The following DNAH3 variants were observed in gnomAD, a reference collection of about 807,000 sequenced individuals.
DNAH3 encodes dynein axonemal heavy chain 3, also known as axonemal beta dynein heavy chain 3.
Under a neutral mutation model 432.5 loss-of-function variants are expected in DNAH3, and 332 were observed. That is an observed-to-expected ratio of 0.77 (90% CI 0.70 to 0.84). The LOEUF (loss-of-function observed/expected upper bound fraction) is 0.84. DNAH3 is among the 40% of genes least tolerant of loss of function. The pLI is 0.00. For synonymous variants in DNAH3, 1,956 were observed against 1,900.2 expected (o/e 1.03, Z -0.76); for missense variants, 4,861 against 5,114.0 (o/e 0.95, Z 1.51).
rs977916932 is a variant in DNAH3 at position 21,034,218 on chromosome 16, G to C, written c.5086-133C>G. ...GTTGCTTCTACCTCTGGAGAACTTCGGTTCTTTTCATGGTCTATTGTTTAC... is the reference window on the plus strand; with the variant it reads ...GTTGCTTCTACCTCTGGAGAACTTCCGTTCTTTTCATGGTCTATTGTTTAC... On this transcript the variant is annotated intron_variant, in intron 35 of 61. Transcript: ENST00000261383. 4.2e-5 allele frequency: 25 copies of C among 598,814 alleles called. 1 individual carries two copies. In the South Asian group the frequency reaches 5.1e-4, roughly 12 times the overall value. 37.1% of individuals were successfully genotyped at this position (598,814 alleles called of 1,614,324 possible).
intron 31 of DNAH3, among the ~76,000 whole-genome samples, chr16:21,045,332 A>G (rs1182786255): frequency 1.3e-5 from 2 of 151,228 alleles, no homozygotes; most frequent in African/African-American, 4.9e-5. Context: ...TAAGCTATTG[A>G]TTATTGCCAC....
At chr16:21,122,449 T>C (rs1257724460) in intron 9 of DNAH3, among the ~76,000 whole-genome samples, 1 of 151,984 alleles carries the variant, frequency 6.6e-6, no homozygotes, top group Non-Finnish European at 1.5e-5. Flanking sequence ...CCTAGCTACT[T>C]GAGAGGCTGA....
intron 14 of DNAH3, 83 bp from the exon 15 acceptor site, chr16:21,106,757 G>T: frequency 1.7e-6 from 2 of 1,156,350 alleles, no homozygotes; most frequent in East Asian, 2.6e-5. Context: ...AAGACTCCAT[G>T]TTCAAAATAC....
chr16:21,068,755 T>C (rs2090668543), intron 23 of DNAH3, among the ~76,000 whole-genome samples: 1 of 152,222 alleles, frequency 6.6e-6, no homozygotes, highest in Non-Finnish European at 1.5e-5. Context: ...TGGGTAATTG[T>C]TGGAATTCTA....
chr16:20,934,979 C>T (rs185229076), intron 61 of DNAH3, among the ~76,000 whole-genome samples: 2 of 152,230 alleles, frequency 1.3e-5, no homozygotes, highest in Non-Finnish European at 2.9e-5. Context: ...CAGGCTGATG[C>T]TTGACTGTTG....
At chr16:21,087,843 A>G (rs932431313) in intron 18 of DNAH3, among the ~76,000 whole-genome samples, 1 of 152,176 alleles carries the variant, frequency 6.6e-6, no homozygotes, top group Non-Finnish European at 1.5e-5. Flanking sequence ...GGTTGCAGTG[A>G]GCCAGGATAG....
chr16:20,981,475 T>G (rs2085894589), intron 49 of DNAH3, among the ~76,000 whole-genome samples: 1 of 152,212 alleles, frequency 6.6e-6, no homozygotes, highest in Admixed American at 6.6e-5. Flanking sequence ...GGCTCACGCC[T>G]GTAATCCCAG....
chr16:20,942,968 GCATGATCACAGCCT>G (rs1388197053), intron 58 of DNAH3, among the ~76,000 whole-genome samples: 1 of 152,072 alleles, frequency 6.6e-6, no homozygotes, highest in Non-Finnish European at 1.5e-5. Context: ...GAGTGCAAAG[GCATGATCACAGCCT>G]CGTGATCACA....
chr16:21,130,777 G>A (rs143398938), intron 7 of DNAH3, among the ~76,000 whole-genome samples: 157 of 152,148 alleles, frequency 1.0e-3, no homozygotes, highest in African/African-American at 3.3e-3. Context: ...TCTTTGCTAC[G>A]AGATCAATTT....
At chr16:21,078,175 T>C (rs1344244943) in intron 20 of DNAH3, among the ~76,000 whole-genome samples, 3 of 148,782 alleles carry the variant, frequency 2.0e-5, no homozygotes, top group Non-Finnish European at 4.4e-5. Context: ...CTCAGGAGGC[T>C]GAGGCAGGAA....
At chr16:20,944,776 GAC>G (rs71377697) in intron 57 of DNAH3, 113 bp from the exon 58 acceptor site, 61,827 of 660,600 alleles carry the variant, frequency 0.094, no homozygotes, top group East Asian at 0.14. Context: ...AGTAGCACAG[GAC>G]ACACACACAC....
chr16:21,062,623 G>C lies in DNAH3; in HGVS notation c.3579C>G (p.Leu1193=), dbSNP rs757851148. 3.7e-6 allele frequency: 6 copies of C among 1,614,052 alleles called. No individual in the cohort carries two copies. The South Asian group carries it at 6.6e-5, about 18-fold the overall frequency. The change falls in exon 25 of 62, where the codon CTC becomes CTG. Residue 1193 remains leucine, a synonymous_variant. Coordinates refer to ENST00000261383, the Ensembl canonical transcript of DNAH3. ...ACTTCTTCAAGTGCGGCTGCACTCG[G>C]AGAGGGTCCTTTGTCTCGGACAAGA...
At chr16:21,106,699 TATCATCATC>T (rs748980226) in intron 14 of DNAH3, 25 bp from the exon 15 acceptor site, 1 of 1,447,470 alleles carries the variant, frequency 6.9e-7, no homozygotes, top group Non-Finnish European at 9.3e-7. Context: ...CAGCCATTGT[TATCATCATC>T]ATCATCACCA....
intron 41 of DNAH3, among the ~76,000 whole-genome samples, chr16:21,011,650 C>T (rs969034608): frequency 6.6e-6 from 1 of 151,916 alleles, no homozygotes; most frequent in African/African-American, 2.4e-5. Context: ...GGCGAGCCAC[C>T]GTGCCAGGCT....
At chr16:20,941,708 C>T (rs1232043843) in intron 58 of DNAH3, among the ~76,000 whole-genome samples, 165 bp from the exon 59 acceptor site, 2 of 151,830 alleles carry the variant, frequency 1.3e-5, no homozygotes, top group Non-Finnish European at 2.9e-5. Context: ...GGAAAGGAGT[C>T]CCTCATCACC....
exon 21 of DNAH3, chr16:21,075,553 G>T (rs749330410): frequency 6.2e-7 from 1 of 1,612,840 alleles, no homozygotes; most frequent in East Asian, 2.2e-5. Context: ...TGCACCAATG[G>T]GCTCCAATCT....
Position 21,139,320 on chromosome 16 carries a change from C to CTTTTTTTTTTTTTTTTTTTT in DNAH3, c.696+1196_696+1215dup, listed in dbSNP as rs9302391. Among the ~76,000 whole-genome samples, 31 of 29,630 alleles carry CTTTTTTTTTTTTTTTTTTTT rather than the reference C, an allele frequency of 1.0e-3. 11 individuals carry two copies. Among genetic ancestry groups the CTTTTTTTTTTTTTTTTTTTT allele is most frequent in the Admixed American group, 1.9e-3 (3 of 1,574 alleles). The allele number at this position is 29,630 out of a possible 152,430, so 19.4% of individuals were successfully genotyped here. A position where few individuals can be genotyped will look rare whatever the true frequency, so the allele number is the denominator to read the frequency against. ...AATGTAGCTTGAGACTTTCCTCATG[C>CTTTTTTTTTTTTTTTTTTTT]TTTTTTTTTTTTTTTTTTTTTTTTT... On this transcript the variant is annotated intron_variant, in intron 5 of 61. Coordinates refer to ENST00000261383, the Ensembl canonical transcript of DNAH3.
At chr16:20,980,144 A>G (rs986775444) in intron 49 of DNAH3, among the ~76,000 whole-genome samples, 3 of 140,088 alleles carry the variant, frequency 2.1e-5, no homozygotes, top group African/African-American at 8.1e-5. Flanking sequence ...TAGTTTGGAG[A>G]TATTCCCTGA....
rs141417524 is a variant in DNAH3, at chr16:21,026,197, C to T, written c.5540+830G>A. ...GCTGGCTCTTGGGCATACGGAGATT[C>T]AACTTTAGGAGATAATATCAAACTG... On this transcript the variant is annotated intron_variant, in intron 38 of 61. Coordinates refer to ENST00000261383, the Ensembl canonical transcript of DNAH3. 8.5e-5 allele frequency among the ~76,000 whole-genome samples: 13 copies of T among 152,182 alleles called. No homozygotes were observed. The East Asian group carries it at 2.3e-3, about 27-fold the overall frequency.
Sources: allele counts gnomAD v4.1 joint callset (sites outside exome capture counted in the v4.1 genomes callset), GRCh38; gene constraint gnomAD v4.1.1; transcripts MANE v1.5; gene names NCBI Gene and HGNC (gene_info 2026-07-23, HGNC 2026-07-21).